Variants in MAN2B1 observed in about 807,000 individuals in gnomAD.
The protein encoded by MAN2B1 is mannosidase alpha class 2B member 1.
Under a neutral mutation model 127.5 loss-of-function variants are expected in MAN2B1, and 99 were observed. That is an observed-to-expected ratio of 0.78 (90% CI 0.66 to 0.92). The LOEUF is 0.92. Among genes scored for constraint, MAN2B1 ranks in the 40% least tolerant of loss-of-function variants. MAN2B1 has a pLI of 0.00. For missense variants in MAN2B1, 1,304 were observed against 1,384.8 expected (o/e 0.94, Z 0.93); for synonymous variants, 573 against 568.8 (o/e 1.01, Z -0.11).
In MAN2B1 at chr19:12,663,720, G is replaced by A; in HGVS notation, c.746C>T (p.Thr249Ile). The change falls in exon 5 of 24, where the codon ACC (threonine) becomes ATC (isoleucine). Residue 249 changes from threonine to isoleucine, a missense_variant. Physicochemically the swap from Thr to Ile is moderately conservative, Grantham distance 89. Coordinates refer to ENST00000456935, the MANE Select transcript of MAN2B1 (RefSeq NM_000528.4). ...WRASTSLKPP[T>I]ADLFTGVLPN... ...CCCCCTACCAGTGAAGAGGTCCGCG[G>A]TCGGGGGCTTCAGGCTGGTGCTGGC... The A allele has an allele frequency of 5.0e-6, 8 of 1,612,784 alleles. No homozygotes were observed. Among genetic ancestry groups the A allele is most frequent in the Non-Finnish European group, 6.8e-6 (8 of 1,179,604 alleles).
chr19:12,647,108 G>T lies in MAN2B1; in HGVS notation c.2923+125C>A. 1 of 906,786 alleles carries T rather than the reference G, an allele frequency of 1.1e-6. No homozygotes were observed. The highest frequency in any genetic ancestry group is 1.4e-5 in the South Asian group (1 of 71,644). The allele number at this position is 906,786 out of a possible 1,614,324, so 56.2% of individuals were successfully genotyped here. A position where few individuals can be genotyped will look rare whatever the true frequency, so the allele number is the denominator to read the frequency against. ...CCTTTAAGCCCCTAACCTGGGTCTG[G>T]ACTCTGCCCCATACCCTCATGACCT... is the stretch of plus-strand genomic sequence containing the variant. On this transcript the variant is annotated intron_variant, in intron 23 of 23. Transcript: ENST00000456935. This position sits in a 1 kb window ranked among gnomAD's most constrained non-coding sequence, Gnocchi z 4.9.
In MAN2B1 at chr19:12,665,474, A is replaced by C. The variant is rs1347890014; in HGVS notation, c.314T>G (p.Ile105Ser). ...GGTGGGATCTGCCAGCAAGGCAGAG[A>C]TGACCGAGTCCAGGATGTACTGCAC... ...AGVQYILDSV[I>S]SALLADPTRR... Residue 105 changes from isoleucine to serine, a missense_variant, in exon 3 of 24, where the codon ATC becomes AGC. Transcript: ENST00000456935. The C allele has an allele frequency of 3.1e-6, 5 of 1,614,062 alleles. No homozygotes were observed. In the African/African-American group the frequency reaches 6.7e-5, roughly 22 times the overall value.
chr19:12,665,503 G>A lies in MAN2B1; in HGVS notation c.285C>T (p.Ala95=), dbSNP rs750997069. ...FYGIKNDIQH[A]GVQYILDSVI... is the part of the protein sequence containing the mutation. The stretch of plus-strand genomic sequence containing the variant: ...CCGAGTCCAGGATGTACTGCACACC[G>A]GCGTGCTGGATGTCATTCTTGACTG... The change falls in exon 3 of 24, where the codon GCC becomes GCT. Residue 95 remains alanine (A), a synonymous_variant. Transcript: ENST00000456935. 8 of 1,614,086 alleles carry A rather than the reference G, an allele frequency of 5.0e-6. No homozygotes were observed. The highest frequency in any genetic ancestry group is 2.2e-5 in the East Asian group (1 of 44,892).
rs1161252250 is a variant in MAN2B1 at position 12,647,367 on chromosome 19, G to A, written c.2821-32C>T. ...GGAAGGGGATGGGCCCAGATGAGTT[G>A]GGGCAAAGCCAGGTTTCTCTTCTCT... On this transcript the variant is annotated intron_variant, in intron 22 of 23. Transcript: ENST00000456935. This position sits in a 1 kb window ranked among gnomAD's most constrained non-coding sequence, Gnocchi z 4.9. 6.2e-7 allele frequency: 1 copy of A among 1,611,282 alleles called. No individual in the cohort carries two copies. The highest frequency in any genetic ancestry group is 2.2e-5 in the East Asian group (1 of 44,874).
chr19:12,656,897 AC>A, intron 12 of MAN2B1, 51 bp downstream of exon 12: 2 of 1,407,982 alleles, frequency 1.4e-6, no homozygotes, highest in Admixed American at 1.8e-5. Flanking sequence ...TTTTCCAACT[AC>A]CCCCTCTAAA....
Position 12,658,233 on chromosome 19 carries a change from G to A in MAN2B1, c.1221C>T (p.Asn407=), listed in dbSNP as rs766462027. ...CCCGGCTCCTACCCACCTGCAGGAA[G>A]TTGTAGCTGAGGCGCTCGTAGCGTT... ...ALKRYERLSY[N]FLQVCNQLEA... is the part of the protein sequence containing the mutation. Residue 407 remains asparagine (N), a synonymous_variant, in exon 9 of 24, where the codon AAC becomes AAT. Transcript: ENST00000456935. The A allele has an allele frequency of 1.5e-5, 25 of 1,613,966 alleles. No individual in the cohort carries two copies. The highest frequency in any genetic ancestry group is 1.9e-5 in the Non-Finnish European group (23 of 1,180,026).
At position 12,664,983 on chromosome 19, in the gene MAN2B1, G is replaced by A. The variant is rs765088432; in HGVS notation, c.439C>T (p.Arg147Cys). The A allele has an allele frequency of 1.1e-5, 18 of 1,613,002 alleles. No homozygotes were observed. Among genetic ancestry groups the A allele is most frequent in the South Asian group, 1.1e-4 (10 of 91,088 alleles). ...EVVRDLVRQG[R>C]LEFANGGWVM... ...CAGCCACCATTGGCGAACTCCAGGC[G>A]CCCTGTGCCAGGACAGGCAAGGTCA... The change falls in exon 4 of 24, where the codon CGC becomes TGC. Residue 147 changes from arginine (R) to cysteine (C), a missense_variant and splice_region_variant. Coordinates refer to ENST00000456935, the MANE Select transcript of MAN2B1 (RefSeq NM_000528.4).
rs780156539 is a variant in MAN2B1 at position 12,663,705 on chromosome 19, G to A, written c.761C>T (p.Thr254Ile). 1 of 1,609,656 alleles carries A rather than the reference G, an allele frequency of 6.2e-7. No homozygotes were observed. The highest frequency in any genetic ancestry group is 1.1e-5 in the South Asian group (1 of 90,708). ...SLKPPTADLF[T>I]GVLPNGYNPP... The stretch of plus-strand genomic sequence containing the variant: ...CCTGCCCTCACCAAGCCCCCTACCA[G>A]TGAAGAGGTCCGCGGTCGGGGGCTT... The change falls in exon 5 of 24, where the codon ACT (threonine) becomes ATT (isoleucine). Residue 254 changes from threonine (T) to isoleucine (I), a missense_variant and splice_region_variant. By Grantham distance (89) the Thr-to-Ile change is moderately conservative. Transcript: ENST00000456935.
chr19:12,665,077 T>C, intron 3 of MAN2B1, 92 bp from the exon 4 acceptor site: 1 of 1,267,400 alleles, frequency 7.9e-7, no homozygotes, highest in Non-Finnish European at 1.1e-6. Context: ...CCTGCCTGTG[T>C]ACACATTTCT....
rs2145218020 is a variant in MAN2B1 at position 12,646,749 on chromosome 19, G to C, written c.2924-17C>G. ...GTGTGGGGCCTGGAGAGGTGCAGGG[G>C]GAAGGAGGAGTGAGGAGGTGCAGAC... On this transcript the variant is annotated splice_polypyrimidine_tract_variant and intron_variant, in intron 23 of 23. Coordinates refer to ENST00000456935, the MANE Select transcript of MAN2B1 (RefSeq NM_000528.4). 6.4e-7 allele frequency: 1 copy of C among 1,569,898 alleles called. No homozygotes were observed. The highest frequency in any genetic ancestry group is 2.2e-5 in the East Asian group (1 of 44,642).
chr19:12,655,943 A>G (rs1302664838), intron 13 of MAN2B1, 64 bp from the exon 14 acceptor site: 2 of 1,398,516 alleles, frequency 1.4e-6, no homozygotes, highest in Non-Finnish European at 2.0e-6. Flanking sequence ...ATGCATGGAG[A>G]CAAAAAACTC....
At chr19:12,650,605 G>C (rs553809969) in intron 16 of MAN2B1, among the ~76,000 whole-genome samples, 1 of 151,622 alleles carries the variant, frequency 6.6e-6, no homozygotes, top group African/African-American at 2.4e-5. Context: ...TGATCAGCCC[G>C]CCTCGGCCTC....
chr19:12,657,424 T>C, intron 11 of MAN2B1, 22 bp downstream of exon 11: 3 of 1,543,624 alleles, frequency 1.9e-6, no homozygotes, highest in Non-Finnish European at 1.7e-6. Flanking sequence ...CCCCCGTGTC[T>C]CCCAAGTCTC....
At chr19:12,654,682 T>A (rs2023917707) in intron 14 of MAN2B1, among the ~76,000 whole-genome samples, 1 of 152,184 alleles carries the variant, frequency 6.6e-6, no homozygotes, top group Admixed American at 6.5e-5. Flanking sequence ...CTTCTTTTAT[T>A]TTATTTTATT....
chr19:12,659,693 C>T (rs1428139581), intron 7 of MAN2B1, among the ~76,000 whole-genome samples: 1 of 152,104 alleles, frequency 6.6e-6, no homozygotes, highest in African/African-American at 2.4e-5. Context: ...GTGGCACATG[C>T]CTGTAGTCCC....
In MAN2B1 at chr19:12,647,030, C is replaced by G. The variant is rs1354802955; in HGVS notation, c.2923+203G>C. 9.7e-6 allele frequency: 6 copies of G among 615,914 alleles called. No individual in the cohort carries two copies. The highest frequency in any genetic ancestry group is 2.8e-5 in the Admixed American group (1 of 35,658). 38.2% of individuals were successfully genotyped at this position (615,914 alleles called of 1,614,324 possible). A position where few individuals can be genotyped will look rare whatever the true frequency, so the allele number is the denominator to read the frequency against. ...TTCAAATCTTGTTCTTGGGACTAAA[C>G]AGCACCCACAAACCTCAAGACCCAT... On this transcript the variant is annotated intron_variant, in intron 23 of 23. Transcript: ENST00000456935. The surrounding 1 kb of genome is among the most constrained non-coding windows in gnomAD (Gnocchi z 4.9).
chr19:12,649,859 C>CT, intron 18 of MAN2B1, 54 bp downstream of exon 18: 2 of 1,423,680 alleles, frequency 1.4e-6, no homozygotes, highest in Non-Finnish European at 2.0e-6. Context: ...CTCACCACCC[C>CT]TGGGCCCCAA....
Position 12,650,089 on chromosome 19 carries a change from G to C in MAN2B1, c.2165+15C>G. 1.2e-6 allele frequency: 2 copies of C among 1,611,532 alleles called. No homozygotes were observed. Among genetic ancestry groups the C allele is most frequent in the Non-Finnish European group, 1.7e-6 (2 of 1,177,682 alleles). ...CCCTTGCTTCCACACCCCTCTCCCA[G>C]CCTGTGCCACTCACCCCACAGGTAT... On this transcript the variant is annotated intron_variant, in intron 17 of 23. Transcript: ENST00000456935.
chr19:12,650,454 G>A lies in MAN2B1; in HGVS notation c.2047-232C>T, dbSNP rs1599342678. Among the ~76,000 whole-genome samples, 4 of 151,220 alleles carry A rather than the reference G, an allele frequency of 2.6e-5. 1 individual carries two copies. Among genetic ancestry groups the A allele is most frequent in the African/African-American group, 7.3e-5 (3 of 41,192 alleles). On this transcript the variant is annotated intron_variant, in intron 16 of 23. Transcript: ENST00000456935. ...GCTCACTGCAAGCTCCGCCTCCCGG[G>A]TTCACACCATTCTCCTGCCTCAGCC...
Sources: allele counts gnomAD v4.1 joint callset (sites outside exome capture counted in the v4.1 genomes callset), GRCh38; gene constraint gnomAD v4.1.1; non-coding constraint Gnocchi (gnomAD v3.1); transcripts MANE v1.5; gene names NCBI Gene and HGNC (gene_info 2026-07-23, HGNC 2026-07-21).